The following PTPRG variants were observed in gnomAD, a reference collection of about 807,000 sequenced individuals.
PTPRG encodes the protein protein tyrosine phosphatase receptor type G, also known as receptor-type tyrosine-protein phosphatase gamma.
A neutral mutation model predicts 165.3 loss-of-function variants in PTPRG; 102 were observed. The observed-to-expected ratio is 0.62, with a 90% CI of 0.53 to 0.73. PTPRG has a LOEUF of 0.73. Ranked by LOEUF, PTPRG falls within the 30% of genes least tolerant of loss-of-function variation. The pLI, the probability that PTPRG is intolerant of heterozygous loss-of-function variation, is 0.00. For synonymous variants in PTPRG, 675 were observed against 669.5 expected (o/e 1.01, Z -0.13); for missense variants, 1,866 against 1,861.4 (o/e 1.00, Z -0.05).
intron 2 of PTPRG, among the ~76,000 whole-genome samples, chr3:61,884,247 G>A (rs190152384): frequency 1.3e-5 from 2 of 152,268 alleles, no homozygotes; most frequent in Admixed American, 1.3e-4. Context: ...GCTGTAAGTG[G>A]CAGAATAGTG....
chr3:61,696,505 A>C (rs759397741), intron 1 of PTPRG, among the ~76,000 whole-genome samples: 2 of 151,458 alleles, frequency 1.3e-5, no homozygotes, highest in Non-Finnish European at 2.9e-5. Context: ...TCCGTCTCAA[A>C]AACAAACAAA....
At chr3:61,966,440 G>C (rs1188160536) in intron 2 of PTPRG, among the ~76,000 whole-genome samples, 1 of 152,176 alleles carries the variant, frequency 6.6e-6, no homozygotes, top group East Asian at 1.9e-4. Flanking sequence ...TGTTCATTCA[G>C]ATGGAATGTT....
At chr3:61,595,503 G>A (rs1286634536) in intron 1 of PTPRG, among the ~76,000 whole-genome samples, 1 of 152,206 alleles carries the variant, frequency 6.6e-6, no homozygotes, top group Non-Finnish European at 1.5e-5. Context: ...GGCAAAGGAG[G>A]CATTTCCTGT....
chr3:62,281,850 G>T, intron 27 of PTPRG, 141 bp downstream of exon 27: 1 of 821,048 alleles, frequency 1.2e-6, no homozygotes, highest in Non-Finnish European at 1.8e-6. Context: ...TACATTTTCC[G>T]TTTTTCTTCC....
intron 2 of PTPRG, among the ~76,000 whole-genome samples, chr3:61,881,363 A>G (rs528687131): frequency 3.3e-5 from 5 of 152,308 alleles, no homozygotes; most frequent in East Asian, 1.9e-4. Flanking sequence ...AGAGAGAACA[A>G]TGGTGGTGGT....
At chr3:62,180,653 G>C (rs540136228) in intron 8 of PTPRG, among the ~76,000 whole-genome samples, 2 of 152,182 alleles carry the variant, frequency 1.3e-5, no homozygotes, top group Non-Finnish European at 2.9e-5. Flanking sequence ...CAAGATGCAC[G>C]CAGCTGTTAT....
chr3:62,057,412 G>A (rs926363575), intron 4 of PTPRG, among the ~76,000 whole-genome samples: 1 of 152,190 alleles, frequency 6.6e-6, no homozygotes, highest in African/African-American at 2.4e-5. Flanking sequence ...TTTTCTGTAG[G>A]CTGCCTTGTG....
chr3:62,286,262 T>C (rs1355463190), intron 28 of PTPRG, among the ~76,000 whole-genome samples: 4 of 152,146 alleles, frequency 2.6e-5, no homozygotes, highest in Admixed American at 6.6e-5. Flanking sequence ...TTCGCTTTTA[T>C]TGAGAGCCTT....
At chr3:61,966,346 G>C (rs571080576) in intron 2 of PTPRG, among the ~76,000 whole-genome samples, 3 of 152,182 alleles carry the variant, frequency 2.0e-5, no homozygotes, top group African/African-American at 7.2e-5. Flanking sequence ...TGAGACACCT[G>C]AGATGTGGCT....
At chr3:61,842,872 A>C (rs1203323397) in intron 2 of PTPRG, among the ~76,000 whole-genome samples, 1 of 152,170 alleles carries the variant, frequency 6.6e-6, no homozygotes, top group Non-Finnish European at 1.5e-5. Context: ...TACCTGTGCT[A>C]CTAACTTTGC....
rs202099677 is a variant in PTPRG at position 61,568,617 on chromosome 3, AT to A, written c.85+6255del. Among the ~76,000 whole-genome samples the A allele has an allele frequency of 6.3e-3, 949 of 150,842 alleles. 23 individuals carry two copies. In the East Asian group the frequency reaches 0.063, roughly 10 times the overall value. On this transcript the variant is annotated intron_variant, in intron 1 of 29. Coordinates refer to ENST00000474889, the MANE Select transcript of PTPRG (RefSeq NM_002841.4). Reference sequence around the variant, plus strand: ...AGCCCTTAATACAACTGTAAAAAAAATTTTTTTTTTGGCCTGGCATGGTGGC... The same window carrying A: ...AGCCCTTAATACAACTGTAAAAAAAATTTTTTTTTGGCCTGGCATGGTGGC...
At chr3:61,927,316 A>C (rs974382858) in intron 2 of PTPRG, among the ~76,000 whole-genome samples, 2 of 152,212 alleles carry the variant, frequency 1.3e-5, no homozygotes, top group Non-Finnish European at 2.9e-5. Context: ...GGTCTTGGAC[A>C]ACAGCTCTGT....
intron 15 of PTPRG, among the ~76,000 whole-genome samples, chr3:62,246,572 G>A (rs942345076): frequency 1.2e-4 from 18 of 151,988 alleles, no homozygotes; most frequent in African/African-American, 4.1e-4. Context: ...CAGTACAACG[G>A]TGTCTCATAA....
At chr3:61,776,089 TA>T (rs35921018) in intron 2 of PTPRG, among the ~76,000 whole-genome samples, 29 of 147,586 alleles carry the variant, frequency 2.0e-4, no homozygotes, top group Non-Finnish European at 2.8e-4. Flanking sequence ...ATAATAAAAT[TA>T]AAAAAAAAAA....
chr3:62,191,412 G>T, intron 8 of PTPRG, 57 bp from the exon 9 acceptor site: 1 of 1,546,556 alleles, frequency 6.5e-7, no homozygotes, highest in African/African-American at 1.4e-5. Context: ...TTAGGGGCAC[G>T]GATTGAATGG....
Position 61,877,942 on chromosome 3 carries a change from A to G in PTPRG, c.191-111683A>G, listed in dbSNP as rs1179916540. On this transcript the variant is annotated intron_variant, in intron 2 of 29. Coordinates refer to ENST00000474889, the MANE Select transcript of PTPRG (RefSeq NM_002841.4). ...CCTATCATTCTTTGAGTTTAATCTT[A>G]ACATAATTAGCTCCTCGCACAATAG... 2.0e-5 allele frequency among the ~76,000 whole-genome samples: 3 copies of G among 152,216 alleles called. No homozygotes were observed. In the East Asian group the frequency reaches 5.8e-4, roughly 29 times the overall value.
rs201545047 is a variant in PTPRG, at chr3:61,983,797, CTTG to C, written c.191-5821_191-5819del. On this transcript the variant is annotated intron_variant, in intron 2 of 29. Coordinates refer to ENST00000474889, the MANE Select transcript of PTPRG (RefSeq NM_002841.4). ...CAGTTTGCTTAAATTGTAGAAAATT[CTTG>C]TTGTTGACCAGTTTTATTTGTCCTT... Among the ~76,000 whole-genome samples the C allele has an allele frequency of 6.0e-3, 915 of 152,164 alleles. 7 individuals carry two copies. The highest frequency in any genetic ancestry group is 0.041 in the East Asian group (211 of 5,174).
intron 11 of PTPRG, among the ~76,000 whole-genome samples, chr3:62,202,622 C>T (rs1048970520): frequency 1.3e-5 from 2 of 152,232 alleles, no homozygotes; most frequent in African/African-American, 4.8e-5. Context: ...GAGCATGGCT[C>T]CTGCCTCTGA....
chr3:62,206,912 C>CAAAA lies in PTPRG; in HGVS notation c.2155+2986_2155+2989dup, dbSNP rs556974355. Among the ~76,000 whole-genome samples the CAAAA allele has an allele frequency of 9.9e-4, 37 of 37,316 alleles. 1 individual carries two copies. The highest frequency in any genetic ancestry group is 1.5e-3 in the African/African-American group (21 of 14,086). The allele number at this position is 37,316 out of a possible 152,430, so 24.5% of individuals were successfully genotyped here. ...CCACTGACAGAGCAAGACTCTGTCT[C>CAAAA]AAAAAAAAAAAAAAAAAAAAAAAAA... On this transcript the variant is annotated intron_variant, in intron 12 of 29. Transcript: ENST00000474889.
Sources: allele counts gnomAD v4.1 joint callset (sites outside exome capture counted in the v4.1 genomes callset), GRCh38; gene constraint gnomAD v4.1.1; transcripts MANE v1.5; gene names NCBI Gene and HGNC (gene_info 2026-07-23, HGNC 2026-07-21).